Variants in GPC5 observed in about 807,000 individuals in gnomAD.
The protein encoded by GPC5 is glypican 5.
GPC5 carries 47 observed loss-of-function variants against 53.9 expected under a neutral mutation model. The observed-to-expected ratio is 0.87, with a 90% CI of 0.69 to 1.11. The LOEUF (loss-of-function observed/expected upper bound fraction) is 1.11. Among genes scored for constraint, GPC5 ranks in the 50% most tolerant of loss-of-function variants. GPC5 has a pLI of 0.00. For missense variants in GPC5, 748 were observed against 713.1 expected (o/e 1.05, Z -0.56); for synonymous variants, 286 against 263.3 (o/e 1.09, Z -0.84).
chr13:92,861,518 T>C (rs771620147), intron 7 of GPC5, among the ~76,000 whole-genome samples: 1 of 152,150 alleles, frequency 6.6e-6, no homozygotes, highest in African/African-American at 2.4e-5. Context: ...TTCTTATTAT[T>C]GTAAATATCC....
chr13:91,890,130 G>T (rs1032766938), intron 5 of GPC5, among the ~76,000 whole-genome samples: 1 of 152,126 alleles, frequency 6.6e-6, no homozygotes. Context: ...TAACAGGGGT[G>T]GTGCCATTCC....
intron 7 of GPC5, among the ~76,000 whole-genome samples, chr13:92,618,757 A>C (rs1228059331): frequency 1.3e-5 from 2 of 151,614 alleles, no homozygotes; most frequent in African/African-American, 4.8e-5. Context: ...TAGATTGACC[A>C]CTAACATGAC....
At chr13:92,329,807 C>T (rs1390859238) in intron 7 of GPC5, among the ~76,000 whole-genome samples, 1 of 152,058 alleles carries the variant, frequency 6.6e-6, no homozygotes, top group Non-Finnish European at 1.5e-5. Context: ...AGGACAGCCA[C>T]GGTTTTCTGG....
At chr13:92,613,351 AATATATAATAT>A (rs1310058222) in intron 7 of GPC5, among the ~76,000 whole-genome samples, 2 of 101,148 alleles carry the variant, frequency 2.0e-5, no homozygotes, top group Non-Finnish European at 3.6e-5. Flanking sequence ...TTTATATATA[AATATATAATAT>A]ATTTATATAT....
At chr13:92,709,270 G>A (rs893922857) in intron 7 of GPC5, among the ~76,000 whole-genome samples, 5 of 147,782 alleles carry the variant, frequency 3.4e-5, no homozygotes, top group South Asian at 2.1e-4. Flanking sequence ...TGTTGACCAC[G>A]CTGGTCTTGA....
intron 5 of GPC5, among the ~76,000 whole-genome samples, chr13:91,791,198 A>G (rs1566686207): frequency 6.6e-6 from 1 of 152,336 alleles, no homozygotes; most frequent in East Asian, 1.9e-4. Flanking sequence ...CTGGTGGAAC[A>G]AAGAGAAGAG....
At chr13:92,328,045 A>G (rs2043263978) in intron 7 of GPC5, among the ~76,000 whole-genome samples, 1 of 152,184 alleles carries the variant, frequency 6.6e-6, no homozygotes, top group South Asian at 2.1e-4. Flanking sequence ...TCAGGGCAAA[A>G]GGAGCTTTGC....
chr13:92,761,756 T>C (rs963457626), intron 7 of GPC5, among the ~76,000 whole-genome samples: 2 of 152,208 alleles, frequency 1.3e-5, no homozygotes, highest in Non-Finnish European at 2.9e-5. Context: ...TGGCATTTTG[T>C]TAATTGTTTC....
intron 2 of GPC5, among the ~76,000 whole-genome samples, chr13:91,684,604 C>T (rs2035581205): frequency 6.6e-6 from 1 of 152,182 alleles, no homozygotes; most frequent in South Asian, 2.1e-4. Flanking sequence ...TACACCTCCA[C>T]CAATACCACA....
At chr13:92,413,573 G>T (rs1342098037) in intron 7 of GPC5, among the ~76,000 whole-genome samples, 1 of 152,188 alleles carries the variant, frequency 6.6e-6, no homozygotes, top group Non-Finnish European at 1.5e-5. Context: ...GGTGGAATGG[G>T]TGAGGGAATA....
intron 7 of GPC5, among the ~76,000 whole-genome samples, chr13:92,598,602 T>C (rs565729388): frequency 6.6e-6 from 1 of 152,358 alleles, no homozygotes; most frequent in South Asian, 2.1e-4. Flanking sequence ...ATTTACTGTT[T>C]GTTTTTAATG....
chr13:91,495,889 G>C (rs1412276797), intron 2 of GPC5, among the ~76,000 whole-genome samples: 1 of 152,138 alleles, frequency 6.6e-6, no homozygotes, highest in Non-Finnish European at 1.5e-5. Context: ...TGGGCGTGGT[G>C]GCGGGTGCCT....
intron 7 of GPC5, among the ~76,000 whole-genome samples, chr13:92,735,939 G>T (rs1438397922): frequency 6.6e-6 from 1 of 151,954 alleles, no homozygotes; most frequent in Admixed American, 6.6e-5. Context: ...GTTGTAAATT[G>T]ATAATAGATA....
At chr13:91,884,218 A>G (rs1281652172) in intron 5 of GPC5, among the ~76,000 whole-genome samples, 3 of 152,198 alleles carry the variant, frequency 2.0e-5, no homozygotes, top group African/African-American at 4.8e-5. Context: ...AAAGAGAACT[A>G]CCATTCCAAC....
chr13:92,062,556 A>G (rs912496854), intron 6 of GPC5, among the ~76,000 whole-genome samples: 1 of 152,022 alleles, frequency 6.6e-6, no homozygotes, highest in Non-Finnish European at 1.5e-5. Context: ...TGAAACTATT[A>G]TTATCTAAGA....
Position 92,691,162 on chromosome 13 carries a change from C to G in GPC5, c.1562-175120C>G, listed in dbSNP as rs1356484084. On this transcript the variant is annotated intron_variant, in intron 7 of 7. Transcript: ENST00000377067. Reference sequence around the variant, plus strand: ...TGGGCAATGGCGGGTGCCCCTCCCCCAGCCTCGTTGCCGCCTTGCAGTTTG... The same window carrying G: ...TGGGCAATGGCGGGTGCCCCTCCCCGAGCCTCGTTGCCGCCTTGCAGTTTG... Among the ~76,000 whole-genome samples the G allele has an allele frequency of 3.0e-5, 3 of 101,442 alleles. 1 individual carries two copies. Among genetic ancestry groups the G allele is most frequent in the African/African-American group, 1.2e-4 (3 of 24,416 alleles). 66.5% of individuals were successfully genotyped at this position (101,442 alleles called of 152,430 possible).
At chr13:91,501,311 T>C (rs759934664) in intron 2 of GPC5, among the ~76,000 whole-genome samples, 1 of 149,190 alleles carries the variant, frequency 6.7e-6, no homozygotes, top group Non-Finnish European at 1.5e-5. Context: ...TTGTTACACA[T>C]GTATATATGT....
In GPC5 at chr13:92,107,784, G is replaced by A. The variant is rs2041521607; in HGVS notation, c.1402-37046G>A. On this transcript the variant is annotated intron_variant, in intron 6 of 7. Transcript: ENST00000377067. ...TAAAATGTAACACATTGACCAAATG[G>A]TTTAATCAACTTCATTGCTCAAGCT... Among the ~76,000 whole-genome samples, 3 of 152,102 alleles carry A rather than the reference G, an allele frequency of 2.0e-5. No individual in the cohort carries two copies. In the South Asian group the frequency reaches 6.2e-4, roughly 32 times the overall value.
chr13:92,415,676 T>TAAAA (rs34520808), intron 7 of GPC5, among the ~76,000 whole-genome samples: 1 of 143,518 alleles, frequency 7.0e-6, no homozygotes, highest in Non-Finnish European at 1.5e-5. Flanking sequence ...CAGCTGGAGG[T>TAAAA]AAAAAAAAAA....
Sources: allele counts gnomAD v4.1 joint callset (sites outside exome capture counted in the v4.1 genomes callset), GRCh38; gene constraint gnomAD v4.1.1; transcripts MANE v1.5; gene names NCBI Gene and HGNC (gene_info 2026-07-23, HGNC 2026-07-21).